Variants in LDAH observed in about 807,000 individuals in gnomAD.
LDAH encodes lipid droplet associated hydrolase.
In LDAH, 26 loss-of-function variants were observed where a neutral mutation model predicts 29.6. That is an observed-to-expected ratio of 0.88 (90% CI 0.64 to 1.22). The LOEUF is 1.22. Ranked by LOEUF, LDAH falls within the 50% of genes most tolerant of loss-of-function variation. The pLI is 0.00. For synonymous variants in LDAH, 117 were observed against 133.0 expected (o/e 0.88, Z 0.83); for missense variants, 344 against 387.3 (o/e 0.89, Z 0.94).
rs1663941495 is a variant in LDAH at position 20,701,590 on chromosome 2, T to C, written c.766A>G (p.Ile256Val). The change falls in exon 6 of 7, where the codon ATA becomes GTA. Residue 256 changes from isoleucine (I) to valine (V), a missense_variant. Coordinates refer to ENST00000237822, the MANE Select transcript of LDAH (RefSeq NM_021925.4). ...ATTACCTTACATAAATGCTCCTTTA[T>C]GGTTTCGTCATCTCTCTTCACCACC... is the stretch of plus-strand genomic sequence containing the variant. ...MEVVKRDDETIKEHLCKLTFY... is the reference protein window; with the variant it reads ...MEVVKRDDETVKEHLCKLTFY... The C allele has an allele frequency of 1.2e-6, 2 of 1,613,984 alleles. No individual in the cohort carries two copies. Among genetic ancestry groups the C allele is most frequent in the South Asian group, 1.1e-5 (1 of 91,078 alleles).
intron 4 of LDAH, among the ~76,000 whole-genome samples, chr2:20,759,119 C>T (rs1177448655): frequency 6.6e-6 from 1 of 152,154 alleles, no homozygotes; most frequent in Non-Finnish European, 1.5e-5. Context: ...CTCAATTTGG[C>T]TTTTTGCAGA....
chr2:20,707,411 C>T (rs62123967), intron 5 of LDAH, among the ~76,000 whole-genome samples: 1 of 152,132 alleles, frequency 6.6e-6, no homozygotes, highest in Non-Finnish European at 1.5e-5. Flanking sequence ...TTCAAGAATT[C>T]TAAGTAGCTC....
intron 6 of LDAH, among the ~76,000 whole-genome samples, chr2:20,700,002 G>C (rs1663802231): frequency 6.6e-6 from 1 of 152,204 alleles, no homozygotes; most frequent in South Asian, 2.1e-4. Context: ...GATGGGTCTA[G>C]TTGTTCAGCA....
At chr2:20,759,680 G>A (rs1428031624) in intron 4 of LDAH, among the ~76,000 whole-genome samples, 2 of 152,014 alleles carry the variant, frequency 1.3e-5, no homozygotes, top group Non-Finnish European at 2.9e-5. Context: ...CCAAAAAGAG[G>A]CAATTTCACA....
At chr2:20,789,047 G>A (rs1394055650) in intron 3 of LDAH, 58 of 1,355,578 alleles carry the variant, frequency 4.3e-5, no homozygotes, top group South Asian at 2.4e-4. Context: ...CAGTAACATC[G>A]CTATTAAATC....
intron 5 of LDAH, among the ~76,000 whole-genome samples, chr2:20,714,767 A>C (rs1418773266): frequency 6.6e-6 from 1 of 152,258 alleles, no homozygotes; most frequent in Non-Finnish European, 1.5e-5. Context: ...TACGCAAATA[A>C]ACTAGAAAAT....
At chr2:20,759,935 C>G (rs952763885) in intron 4 of LDAH, among the ~76,000 whole-genome samples, 2 of 152,164 alleles carry the variant, frequency 1.3e-5, no homozygotes, top group Non-Finnish European at 2.9e-5. Flanking sequence ...CACTATTAAC[C>G]TCTTGGTCAG....
At chr2:20,777,728 T>TA (rs1262945354) in intron 3 of LDAH, among the ~76,000 whole-genome samples, 3 of 152,182 alleles carry the variant, frequency 2.0e-5, no homozygotes, top group African/African-American at 7.2e-5. Context: ...TTCATTTTAC[T>TA]AGTAAATAAA....
At chr2:20,767,607 G>A (rs1257285712) in intron 4 of LDAH, among the ~76,000 whole-genome samples, 6 of 152,220 alleles carry the variant, frequency 3.9e-5, no homozygotes, top group Non-Finnish European at 8.8e-5. Flanking sequence ...AGGCAGATGG[G>A]CCACTGGGCA....
intron 3 of LDAH, among the ~76,000 whole-genome samples, chr2:20,783,842 G>A (rs1178827353): frequency 1.3e-5 from 2 of 152,136 alleles, no homozygotes; most frequent in Non-Finnish European, 2.9e-5. Context: ...CTCCTGAGTA[G>A]GCTGAACCAC....
intron 5 of LDAH, among the ~76,000 whole-genome samples, chr2:20,725,012 A>G (rs1480243464): frequency 1.3e-5 from 2 of 152,220 alleles, no homozygotes; most frequent in African/African-American, 4.8e-5. Flanking sequence ...TTGTGGGTGT[A>G]TATACCGCAA....
intron 4 of LDAH, among the ~76,000 whole-genome samples, chr2:20,742,793 CTTTTTT>C (rs71391767): frequency 8.7e-6 from 1 of 114,402 alleles, no homozygotes; most frequent in Admixed American, 9.6e-5. Flanking sequence ...TTTCTTTTTC[CTTTTTT>C]TTTTTTTTTT....
At chr2:20,822,336 G>A (rs1437059306) in intron 1 of LDAH, among the ~76,000 whole-genome samples, 2 of 151,926 alleles carry the variant, frequency 1.3e-5, no homozygotes, top group Non-Finnish European at 2.9e-5. Context: ...GTAAAGATGG[G>A]GTTTCACCGT....
At chr2:20,787,609 T>A (rs1250807868) in intron 3 of LDAH, among the ~76,000 whole-genome samples, 1 of 152,148 alleles carries the variant, frequency 6.6e-6, no homozygotes, top group African/African-American at 2.4e-5. Flanking sequence ...TTTTTTCTTA[T>A]TGCGAGGAGA....
intron 5 of LDAH, among the ~76,000 whole-genome samples, chr2:20,732,023 G>A (rs1194404826): frequency 6.6e-6 from 1 of 152,046 alleles, no homozygotes; most frequent in Non-Finnish European, 1.5e-5. Flanking sequence ...GGACTGACTA[G>A]AACGTCCAGC....
chr2:20,706,290 T>C (rs779477472), intron 5 of LDAH, among the ~76,000 whole-genome samples: 3 of 152,236 alleles, frequency 2.0e-5, no homozygotes, highest in Non-Finnish European at 4.4e-5. Flanking sequence ...ATTTTCTTTA[T>C]AACTCCCATT....
chr2:20,787,716 T>A (rs1670652623), intron 3 of LDAH, among the ~76,000 whole-genome samples: 1 of 152,212 alleles, frequency 6.6e-6, no homozygotes, highest in Non-Finnish European at 1.5e-5. Flanking sequence ...TCTTAATGTA[T>A]AACATATGCC....
At chr2:20,734,774 C>T (rs1666662709) in intron 5 of LDAH, among the ~76,000 whole-genome samples, 1 of 152,196 alleles carries the variant, frequency 6.6e-6, no homozygotes, top group Non-Finnish European at 1.5e-5. Flanking sequence ...TTTATCATTT[C>T]CTCTCTGTTG....
intron 4 of LDAH, among the ~76,000 whole-genome samples, chr2:20,752,170 G>A (rs1210385795): frequency 6.6e-6 from 1 of 151,928 alleles, no homozygotes; most frequent in African/African-American, 2.4e-5. Context: ...AGGATTACGG[G>A]GATGAGCCAC....
Sources: allele counts gnomAD v4.1 joint callset (sites outside exome capture counted in the v4.1 genomes callset), GRCh38; gene constraint gnomAD v4.1.1; transcripts MANE v1.5; gene names NCBI Gene and HGNC (gene_info 2026-07-23, HGNC 2026-07-21).